The following CDK14 variants were observed in gnomAD, a reference collection of about 807,000 sequenced individuals.
The protein encoded by CDK14 is cyclin-dependent kinase 14.
A neutral mutation model predicts 60.7 loss-of-function variants in CDK14; 34 were observed. The ratio of observed to expected loss-of-function variants is 0.56; its 90% CI spans 0.43 to 0.75. The LOEUF (loss-of-function observed/expected upper bound fraction) is 0.75. Ranked by LOEUF, CDK14 falls within the 30% of genes least tolerant of loss-of-function variation. CDK14 has a pLI of 0.00. For synonymous variants in CDK14, 197 were observed against 203.7 expected (o/e 0.97, Z 0.28); for missense variants, 482 against 564.1 (o/e 0.85, Z 1.47).
rs769588080 is a variant in CDK14, at chr7:90,972,871, A to G, written c.948-11277A>G. ...TGATTTTGAGAACAGCAGCATCAAC[A>G]TGGCTTGGAAGCTTGTTAGAAATGC... is the stretch of plus-strand genomic sequence containing the variant. On this transcript the variant is annotated intron_variant, in intron 9 of 14. Coordinates refer to ENST00000380050, the MANE Select transcript of CDK14 (RefSeq NM_001287135.2). Among the ~76,000 whole-genome samples the G allele has an allele frequency of 5.8e-4, 89 of 152,200 alleles. 1 individual carries two copies. The highest frequency in any genetic ancestry group is 1.9e-4 in the Non-Finnish European group (13 of 68,042).
rs1584155625 is a variant in CDK14, at chr7:90,948,467, A to T, written c.827-7230A>T. ...CATTGACTAAAGAAGATTTTAGTGA[A>T]AATTATTTTCTTAGAATCACTGAGC... On this transcript the variant is annotated intron_variant, in intron 8 of 14. Coordinates refer to ENST00000380050, the MANE Select transcript of CDK14 (RefSeq NM_001287135.2). Among the ~76,000 whole-genome samples, 3 of 152,360 alleles carry T rather than the reference A, an allele frequency of 2.0e-5. No individual in the cohort carries two copies. The East Asian group carries it at 5.8e-4, about 29-fold the overall frequency.
intron 8 of CDK14, among the ~76,000 whole-genome samples, chr7:90,939,045 T>C (rs1793835400): frequency 6.6e-6 from 1 of 152,218 alleles, no homozygotes; most frequent in Non-Finnish European, 1.5e-5. Context: ...CCCTTTTTGC[T>C]CCTTTAACAA....
intron 2 of CDK14, among the ~76,000 whole-genome samples, chr7:90,649,653 C>T (rs1189928007): frequency 6.6e-6 from 1 of 151,574 alleles, no homozygotes; most frequent in Non-Finnish European, 1.5e-5. Flanking sequence ...ATGTTCCCCG[C>T]CCTGTGTCCA....
chr7:91,147,162 T>TCTCTCTCTCTCACACA (rs1438870514), intron 14 of CDK14, among the ~76,000 whole-genome samples: 9 of 124,696 alleles, frequency 7.2e-5, no homozygotes, highest in African/African-American at 3.0e-4. Context: ...TCTCTCTCTC[T>TCTCTCTCTCTCACACA]CACACACACA....
chr7:90,660,760 C>T (rs1800850865), intron 2 of CDK14, among the ~76,000 whole-genome samples: 1 of 152,184 alleles, frequency 6.6e-6, no homozygotes, highest in Non-Finnish European at 1.5e-5. Context: ...GAAAAATAAG[C>T]ATTTTCTATA....
At chr7:90,901,393 CATGGTCACCG>C (rs1381925017) in intron 7 of CDK14, among the ~76,000 whole-genome samples, 1 of 152,102 alleles carries the variant, frequency 6.6e-6, no homozygotes, top group Non-Finnish European at 1.5e-5. Context: ...AGTTGTTTAA[CATGGTCACCG>C]ATAGATGACT....
intron 5 of CDK14, among the ~76,000 whole-genome samples, chr7:90,840,108 A>G (rs1478438293): frequency 6.6e-6 from 1 of 152,186 alleles, no homozygotes; most frequent in Non-Finnish European, 1.5e-5. Flanking sequence ...GGACTGTCCT[A>G]TTACCTTGTC....
At chr7:90,768,606 CT>C (rs1804661075) in intron 4 of CDK14, among the ~76,000 whole-genome samples, 1 of 152,132 alleles carries the variant, frequency 6.6e-6, no homozygotes, top group African/African-American at 2.4e-5. Context: ...GAATTGTCCT[CT>C]TTTTTCGAAT....
chr7:90,651,743 A>AT lies in CDK14; in HGVS notation c.123+47504dup, dbSNP rs1249531928. ...TGGTCCTTTGTTCAAATGTTTAGTGATTTTTTTTTTCATTTTTTTAATGCT... is the reference window on the plus strand; with the variant it reads ...TGGTCCTTTGTTCAAATGTTTAGTGATTTTTTTTTTTCATTTTTTTAATGCT... On this transcript the variant is annotated intron_variant, in intron 2 of 14. Transcript: ENST00000380050. 6.5e-3 allele frequency among the ~76,000 whole-genome samples: 955 copies of AT among 147,784 alleles called. 9 individuals carry two copies. The highest frequency in any genetic ancestry group is 0.017 in the African/African-American group (702 of 40,162).
intron 5 of CDK14, among the ~76,000 whole-genome samples, chr7:90,808,276 AC>A (rs1201575889): frequency 1.1e-4 from 16 of 152,224 alleles, no homozygotes; most frequent in Non-Finnish European, 1.8e-4. Flanking sequence ...CTTGGCAGAA[AC>A]CCTACAAGCC....
intron 4 of CDK14, among the ~76,000 whole-genome samples, chr7:90,755,958 G>A (rs1804039321): frequency 6.6e-6 from 1 of 152,114 alleles, no homozygotes; most frequent in Non-Finnish European, 1.5e-5. Flanking sequence ...TGCCGTATGA[G>A]GTGGGTCCCA....
intron 6 of CDK14, among the ~76,000 whole-genome samples, chr7:90,896,804 A>G (rs1049662620): frequency 6.6e-6 from 1 of 152,222 alleles, no homozygotes; most frequent in Admixed American, 6.5e-5. Flanking sequence ...TTGATGAAAT[A>G]TAATATACTC....
rs114575536 is a variant in CDK14, at chr7:90,777,402, A to G, written c.465-13171A>G. On this transcript the variant is annotated intron_variant, in intron 4 of 14. Coordinates refer to ENST00000380050, the MANE Select transcript of CDK14 (RefSeq NM_001287135.2). The stretch of plus-strand genomic sequence containing the variant: ...AAAAGGCGACTTCAGTTTTGGAGAG[A>G]CCAGGCAAAGGAAGAGAGGCAGTGA... Among the ~76,000 whole-genome samples the G allele has an allele frequency of 5.8e-3, 876 of 152,332 alleles. 15 individuals carry two copies. The highest frequency in any genetic ancestry group is 0.02 in the African/African-American group (829 of 41,572).
At chr7:90,786,252 G>C (rs1447912721) in intron 4 of CDK14, among the ~76,000 whole-genome samples, 1 of 152,174 alleles carries the variant, frequency 6.6e-6, no homozygotes, top group Admixed American at 6.5e-5. Flanking sequence ...GGTAATATTA[G>C]CACAATTTAG....
chr7:90,988,799 A>G (rs984824512), intron 10 of CDK14, among the ~76,000 whole-genome samples: 52 of 152,162 alleles, frequency 3.4e-4, no homozygotes, highest in African/African-American at 1.1e-3. Flanking sequence ...TCTGTTTTTC[A>G]GATCTGTTCT....
intron 2 of CDK14, among the ~76,000 whole-genome samples, chr7:90,702,194 A>G (rs1801799874): frequency 2.0e-5 from 3 of 152,204 alleles, no homozygotes; most frequent in Non-Finnish European, 4.4e-5. Flanking sequence ...TTTAAGAAAC[A>G]GGAACCTATC....
At chr7:90,976,306 AT>A (rs1795070351) in intron 9 of CDK14, among the ~76,000 whole-genome samples, 1 of 151,910 alleles carries the variant, frequency 6.6e-6, no homozygotes, top group Non-Finnish European at 1.5e-5. Flanking sequence ...TTTCTTGGCC[AT>A]TTGTGTGTCT....
At chr7:91,122,935 C>G (rs1465274635) in intron 14 of CDK14, among the ~76,000 whole-genome samples, 1 of 152,130 alleles carries the variant, frequency 6.6e-6, no homozygotes, top group Non-Finnish European at 1.5e-5. Context: ...AACTGGTTGG[C>G]CAACCTGTTT....
chr7:90,714,350 A>G (rs1802168413), intron 2 of CDK14, among the ~76,000 whole-genome samples: 1 of 152,066 alleles, frequency 6.6e-6, no homozygotes, highest in Non-Finnish European at 1.5e-5. Flanking sequence ...CCGGTGACAG[A>G]CAAACAGCAG....
Sources: allele counts gnomAD v4.1 joint callset (sites outside exome capture counted in the v4.1 genomes callset), GRCh38; gene constraint gnomAD v4.1.1; transcripts MANE v1.5; gene names NCBI Gene and HGNC (gene_info 2026-07-23, HGNC 2026-07-21).